MTUS2: variants seen among roughly 807,000 people sequenced by gnomAD.
The protein encoded by MTUS2 is microtubule associated scaffold protein 2, also known as microtubule-associated tumor suppressor candidate 2.
MTUS2 carries 40 observed loss-of-function variants against 114.1 expected under a neutral mutation model. That is an observed-to-expected ratio of 0.35 (90% CI 0.27 to 0.46). MTUS2 has a LOEUF of 0.46. Among genes scored for constraint, MTUS2 ranks in the 20% least tolerant of loss-of-function variants. MTUS2 has a pLI of 1.00. For synonymous variants in MTUS2, 688 were observed against 672.0 expected, an observed-to-expected ratio of 1.02 and a Z score of -0.37; for missense variants, 1,679 against 1,705.4, an observed-to-expected ratio of 0.98 and a Z score of 0.27.
chr13:28,917,786 C>G (rs568818249), intron 2 of MTUS2, among the ~76,000 whole-genome samples: 1 of 151,704 alleles, frequency 6.6e-6, no homozygotes, highest in South Asian at 2.1e-4. Flanking sequence ...TCTTGCTTTT[C>G]TAGTTCTTTA....
chr13:29,097,766 A>G (rs1386363869), intron 4 of MTUS2, among the ~76,000 whole-genome samples: 1 of 152,106 alleles, frequency 6.6e-6, no homozygotes, highest in Non-Finnish European at 1.5e-5. Flanking sequence ...CACTAATCCC[A>G]TTCACAAGGG....
At chr13:29,161,274 G>A (rs988294485) in intron 5 of MTUS2, among the ~76,000 whole-genome samples, 26 of 152,144 alleles carry the variant, frequency 1.7e-4, no homozygotes, top group African/African-American at 5.8e-4. Flanking sequence ...TTTCCAAGAT[G>A]TTGCTACTGG....
At chr13:29,064,390 GTTTTTTTTTTTT>G (rs59916653) in intron 4 of MTUS2, among the ~76,000 whole-genome samples, 58 of 107,974 alleles carry the variant, frequency 5.4e-4, no homozygotes, top group African/African-American at 2.0e-3. Context: ...ACGTTTGGAG[GTTTTTTTTTTTT>G]TTTTTTTTTT....
intron 8 of MTUS2, among the ~76,000 whole-genome samples, chr13:29,382,976 G>A (rs1160117936): frequency 6.6e-6 from 1 of 152,164 alleles, no homozygotes; most frequent in African/African-American, 2.4e-5. Context: ...CAAGAGAACA[G>A]AGTTGGAATA....
intron 8 of MTUS2, among the ~76,000 whole-genome samples, chr13:29,424,250 C>T (rs893073857): frequency 2.0e-5 from 3 of 152,066 alleles, no homozygotes; most frequent in Admixed American, 6.5e-5. Context: ...TAAATGTTTG[C>T]AGTGATAGAT....
At position 28,878,959 on chromosome 13, in the gene MTUS2, AT is replaced by A. The variant is rs1296042962; in HGVS notation, c.-243+39112del. ...ACACTCTCACTAACAGTGTAAAAGC[AT>A]TTCTTTTTATTTGCAACCTCACCAG... On this transcript the variant is annotated intron_variant, in intron 2 of 15. Transcript: ENST00000612955. Among the ~76,000 whole-genome samples, 3 of 152,106 alleles carry A rather than the reference AT, an allele frequency of 2.0e-5. No homozygotes were observed. The East Asian group carries it at 5.8e-4, about 29-fold the overall frequency.
At chr13:28,841,439 G>A (rs1875474517) in intron 2 of MTUS2, among the ~76,000 whole-genome samples, 1 of 152,184 alleles carries the variant, frequency 6.6e-6, no homozygotes, top group Non-Finnish European at 1.5e-5. Context: ...GGATGGTGGT[G>A]GCCGCTGGAG....
intron 7 of MTUS2, among the ~76,000 whole-genome samples, chr13:29,330,797 T>TCTGTTTTGGTACCAATACCATG (rs1162713237): frequency 6.6e-6 from 1 of 152,208 alleles, no homozygotes; most frequent in African/African-American, 2.4e-5. Flanking sequence ...GGTCTATATA[T>TCTGTTTTGGTACCAATACCATG]CTGTTTTGGT....
chr13:28,834,491 G>C (rs1021233254), intron 1 of MTUS2, among the ~76,000 whole-genome samples: 3 of 152,108 alleles, frequency 2.0e-5, no homozygotes. Flanking sequence ...ATGTGTAAAA[G>C]GATGAAGTTG....
At chr13:29,226,180 C>A (rs2139341215) in intron 5 of MTUS2, among the ~76,000 whole-genome samples, 1 of 152,234 alleles carries the variant, frequency 6.6e-6, no homozygotes, top group East Asian at 1.9e-4. Flanking sequence ...CTTCATGGGG[C>A]TGTCAGATTT....
At chr13:28,847,762 G>A (rs1875985768) in intron 2 of MTUS2, among the ~76,000 whole-genome samples, 1 of 152,176 alleles carries the variant, frequency 6.6e-6, no homozygotes, top group Non-Finnish European at 1.5e-5. Context: ...CACTGTCCAA[G>A]GAAACCATGC....
chr13:29,365,601 G>T lies in MTUS2; in HGVS notation c.3117+6128G>T, dbSNP rs568273880. Among the ~76,000 whole-genome samples, 4 of 151,816 alleles carry T rather than the reference G, an allele frequency of 2.6e-5. No individual in the cohort carries two copies. In the South Asian group the frequency reaches 6.3e-4, roughly 24 times the overall value. ...AAAGGTGAATTTCAGCTGCTGCTTTGCAGAAGAGGCCTGAGGTTTTCCCCA... is the reference window on the plus strand; with the variant it reads ...AAAGGTGAATTTCAGCTGCTGCTTTTCAGAAGAGGCCTGAGGTTTTCCCCA... On this transcript the variant is annotated intron_variant, in intron 8 of 15. Transcript: ENST00000612955.
intron 2 of MTUS2, among the ~76,000 whole-genome samples, chr13:28,873,391 G>A (rs1382785253): frequency 6.6e-6 from 1 of 152,180 alleles, no homozygotes; most frequent in East Asian, 1.9e-4. Context: ...TCTGAACCCT[G>A]TCTAGTTTAG....
intron 5 of MTUS2, among the ~76,000 whole-genome samples, chr13:29,197,936 A>C (rs973642380): frequency 1.3e-5 from 2 of 152,170 alleles, no homozygotes; most frequent in Admixed American, 1.3e-4. Context: ...AGTTTCTTGT[A>C]GATTCTGGAT....
chr13:29,358,033 C>T (rs997153989), intron 7 of MTUS2, among the ~76,000 whole-genome samples: 15 of 152,006 alleles, frequency 9.9e-5, no homozygotes, highest in African/African-American at 3.4e-4. Flanking sequence ...CCTGGTATCT[C>T]GGAGAGGAAA....
intron 5 of MTUS2, among the ~76,000 whole-genome samples, chr13:29,166,584 A>C (rs751424714): frequency 6.6e-6 from 1 of 152,250 alleles, no homozygotes; most frequent in Non-Finnish European, 1.5e-5. Context: ...TTCTAGGTTT[A>C]GAACATACTT....
At chr13:28,963,212 G>T (rs1016630352) in intron 2 of MTUS2, among the ~76,000 whole-genome samples, 1 of 151,996 alleles carries the variant, frequency 6.6e-6, no homozygotes, top group African/African-American at 2.4e-5. Context: ...TTAGCCGGGC[G>T]TGGTGGTGGG....
chr13:29,316,187 A>G (rs574872673), intron 6 of MTUS2, among the ~76,000 whole-genome samples: 3 of 152,208 alleles, frequency 2.0e-5, no homozygotes, highest in Admixed American at 6.5e-5. Context: ...GTGGGGCCTC[A>G]TGTTCTAGTG....
chr13:29,338,113 C>A (rs1291395211), intron 7 of MTUS2, among the ~76,000 whole-genome samples: 2 of 151,928 alleles, frequency 1.3e-5, no homozygotes, highest in Non-Finnish European at 2.9e-5. Context: ...ATCTTGCCAG[C>A]CACCCTACCT....
Sources: allele counts gnomAD v4.1 joint callset (sites outside exome capture counted in the v4.1 genomes callset), GRCh38; gene constraint gnomAD v4.1.1; transcripts MANE v1.5; gene names NCBI Gene and HGNC (gene_info 2026-07-23, HGNC 2026-07-21).